Variants in DMD observed in about 807,000 individuals in gnomAD.
DMD encodes mutant dystrophin.
In DMD, 63 loss-of-function variants were observed where a neutral mutation model predicts 330.1. The observed-to-expected ratio is 0.19, with a 90% CI of 0.16 to 0.24. The LOEUF (loss-of-function observed/expected upper bound fraction) is 0.24. DMD is among the 10% of genes least tolerant of loss of function. The pLI, the probability that DMD is intolerant of heterozygous loss-of-function variation, is 1.00. For missense variants in DMD, 3,344 were observed against 2,684.1 expected, an observed-to-expected ratio of 1.25 and a Z score of -5.43; for synonymous variants, 1,223 against 959.8, an observed-to-expected ratio of 1.27 and a Z score of -5.07.
chrX:33,167,300 C>T (rs182893033), intron 1 of DMD, among the ~76,000 whole-genome samples: 37 of 111,093 alleles, frequency 3.3e-4, no homozygotes, highest in African/African-American at 1.2e-3. Context: ...GGTCTTTCTC[C>T]TTGCACAACT....
chrX:31,633,859 A>G (rs1258488307), intron 54 of DMD, among the ~76,000 whole-genome samples: 1 of 112,163 alleles, frequency 8.9e-6, no homozygotes, highest in African/African-American at 3.2e-5. Flanking sequence ...TTAGGGCTGG[A>G]GAGATTGATT....
intron 43 of DMD, among the ~76,000 whole-genome samples, chrX:32,252,981 T>C (rs1391510387): frequency 1.1e-5 from 1 of 93,745 alleles, no homozygotes; most frequent in Non-Finnish European, 2.0e-5. Flanking sequence ...TGTGTGTATA[T>C]ATATTTATAT....
At chrX:32,827,827 A>G (rs1447536905) in intron 4 of DMD, among the ~76,000 whole-genome samples, 4 of 109,873 alleles carry the variant, frequency 3.6e-5, no homozygotes, top group Non-Finnish European at 5.7e-5. Flanking sequence ...ACGCCTGGCT[A>G]ATTTTGTATT....
At chrX:31,884,079 A>C (rs2094116877) in intron 47 of DMD, among the ~76,000 whole-genome samples, 1 of 111,974 alleles carries the variant, frequency 8.9e-6, no homozygotes, top group Admixed American at 9.5e-5. Flanking sequence ...TGTGGAAAAC[A>C]GTATGGAAGA....
intron 72 of DMD, 108 bp from the exon 73 acceptor site, chrX:31,172,521 G>T: frequency 3.2e-6 from 2 of 634,323 alleles, no homozygotes; most frequent in Non-Finnish European, 5.1e-6. Context: ...GGCAAGAAGA[G>T]AAAGGAATCC....
chrX:32,229,681 C>CATATATAT (rs55916475), intron 43 of DMD, among the ~76,000 whole-genome samples: 102 of 24,328 alleles, frequency 4.2e-3, no homozygotes, highest in Admixed American at 4.7e-3. Flanking sequence ...AGAGTTTCAT[C>CATATATAT]ATATATATAT....
chrX:32,514,711 C>A (rs1052192525), intron 18 of DMD, among the ~76,000 whole-genome samples: 16 of 112,430 alleles, frequency 1.4e-4, no homozygotes, highest in South Asian at 3.7e-4. Flanking sequence ...ACTGCACTCC[C>A]GCCTGGGACA....
At chrX:31,864,474 AT>A (rs2093762474) in intron 48 of DMD, among the ~76,000 whole-genome samples, 1 of 56,807 alleles carries the variant, frequency 1.8e-5, no homozygotes, top group South Asian at 9.1e-4. Context: ...CTGTAGGGGT[AT>A]TTTGAAGGCC....
chrX:33,118,210 A>T (rs764899301), intron 1 of DMD, among the ~76,000 whole-genome samples: 2 of 103,899 alleles, frequency 1.9e-5, no homozygotes, highest in African/African-American at 3.5e-5. Context: ...TCCCGGGTTC[A>T]CGCCATTCTC....
intron 57 of DMD, among the ~76,000 whole-genome samples, chrX:31,493,240 C>T (rs970320388): frequency 8.9e-6 from 1 of 111,748 alleles, no homozygotes; most frequent in Non-Finnish European, 1.9e-5. Context: ...CAGCTTTCCC[C>T]CTCCCAAAAA....
At chrX:32,868,697 C>G (rs1290576346) in intron 2 of DMD, among the ~76,000 whole-genome samples, 1 of 112,517 alleles carries the variant, frequency 8.9e-6, no homozygotes, top group Non-Finnish European at 1.9e-5. Flanking sequence ...GCAGGGCCTG[C>G]TTGCAGGAAT....
At chrX:31,280,156 A>G (rs2052504261) in intron 62 of DMD, among the ~76,000 whole-genome samples, 1 of 112,034 alleles carries the variant, frequency 8.9e-6, no homozygotes, top group Admixed American at 9.5e-5. Flanking sequence ...TTAATAAGAT[A>G]ATGCTGAAAT....
intron 1 of DMD, among the ~76,000 whole-genome samples, chrX:33,193,061 C>A (rs761351156): frequency 2.4e-4 from 27 of 112,014 alleles, no homozygotes; most frequent in Admixed American, 2.1e-3. Context: ...AAACCCAGCA[C>A]TTTGGGAGGC....
At chrX:32,340,717 T>A (rs779571461) in intron 41 of DMD, among the ~76,000 whole-genome samples, 1 of 112,013 alleles carries the variant, frequency 8.9e-6, no homozygotes, top group East Asian at 2.8e-4. Flanking sequence ...GAATTTTCTT[T>A]TTGATTGCCT....
intron 7 of DMD, among the ~76,000 whole-genome samples, chrX:32,723,230 T>C (rs2066514019): frequency 9.0e-6 from 1 of 111,690 alleles, no homozygotes; most frequent in South Asian, 3.7e-4. Flanking sequence ...GTATGTCGCA[T>C]TGATTGATTT....
chrX:31,676,580 G>GT (rs2082092018), intron 53 of DMD, among the ~76,000 whole-genome samples: 2 of 111,428 alleles, frequency 1.8e-5, no homozygotes, highest in Admixed American at 1.9e-4. Context: ...TTCTTATGGG[G>GT]TTTTCTTGCT....
chrX:32,878,371 A>C (rs939946281), intron 2 of DMD, among the ~76,000 whole-genome samples: 22 of 111,451 alleles, frequency 2.0e-4, no homozygotes, highest in African/African-American at 5.9e-4. Context: ...GAGTGAGACT[A>C]CGTCTCAAAA....
At chrX:32,863,880 T>C (rs922403528) in intron 2 of DMD, among the ~76,000 whole-genome samples, 2 of 112,310 alleles carry the variant, frequency 1.8e-5, no homozygotes, top group Non-Finnish European at 3.8e-5. Context: ...CCTTGGTTTA[T>C]TCATTCTTTC....
chrX:32,696,459 G>A (rs1175303316), intron 9 of DMD, among the ~76,000 whole-genome samples: 2 of 111,669 alleles, frequency 1.8e-5, no homozygotes, highest in Non-Finnish European at 1.9e-5. Context: ...ACAAGTAAGT[G>A]AATTTGTTGA....
Sources: allele counts gnomAD v4.1 joint callset (sites outside exome capture counted in the v4.1 genomes callset), GRCh38; gene constraint gnomAD v4.1.1; transcripts MANE v1.5; gene names NCBI Gene and HGNC (gene_info 2026-07-23, HGNC 2026-07-21).